The following CNR2 variants were observed in gnomAD, a reference collection of about 807,000 sequenced individuals.
CNR2 encodes cannabinoid receptor 2, also known as cannabinoid receptor 2 (macrophage).
For missense variants in CNR2, 379 were observed against 439.9 expected (o/e 0.86, Z 1.24); for synonymous variants, 172 against 182.2 (o/e 0.94, Z 0.45).
At chr1:23,913,130 T>C in intron 1 of CNR2, 116 bp downstream of exon 1, 1 of 166,580 alleles carries the variant, frequency 6.0e-6, no homozygotes, top group South Asian at 1.5e-4. Flanking sequence ...CACTGTACTT[T>C]AGCCTGGTCA....
chr1:23,879,990 A>T (rs1639951085), intron 1 of CNR2, among the ~76,000 whole-genome samples: 1 of 152,162 alleles, frequency 6.6e-6, no homozygotes, highest in East Asian at 1.9e-4. Context: ...CTTTAGCCAC[A>T]TTGGCTTCTT....
At position 23,910,930 on chromosome 1, in the gene CNR2, G is replaced by A. The variant is rs113534192; in HGVS notation, c.-46+2316C>T. Among the ~76,000 whole-genome samples the A allele has an allele frequency of 4.3e-3, 658 of 152,118 alleles. 8 individuals carry two copies. The highest frequency in any genetic ancestry group is 0.015 in the African/African-American group (614 of 41,502). ...AGGACTCTCTGCTCACACTGGCTCC[G>A]CTATTCCTTGGCTGTGTGACACTGA... On this transcript the variant is annotated intron_variant, in intron 1 of 1. Coordinates refer to ENST00000374472, the MANE Select transcript of CNR2 (RefSeq NM_001841.3).
intron 1 of CNR2, among the ~76,000 whole-genome samples, chr1:23,912,833 C>T (rs1168511983): frequency 6.6e-6 from 1 of 152,210 alleles, no homozygotes; most frequent in Non-Finnish European, 1.5e-5. Flanking sequence ...GACAGGCCCA[C>T]CTGGCTTCTT....
At chr1:23,904,211 C>T (rs1640449864) in intron 1 of CNR2, among the ~76,000 whole-genome samples, 1 of 145,332 alleles carries the variant, frequency 6.9e-6, no homozygotes, top group African/African-American at 2.6e-5. Flanking sequence ...CTCGCTCTGT[C>T]ACCCAGGCTG....
chr1:23,880,288 T>C (rs1363415857), intron 1 of CNR2, among the ~76,000 whole-genome samples: 2 of 150,496 alleles, frequency 1.3e-5, no homozygotes, highest in Non-Finnish European at 2.9e-5. Context: ...AGCCTTTCTC[T>C]TGCCTCAGCC....
At chr1:23,889,862 AT>A (rs1640154912) in intron 1 of CNR2, among the ~76,000 whole-genome samples, 1 of 152,194 alleles carries the variant, frequency 6.6e-6, no homozygotes. Flanking sequence ...TCCATATCAC[AT>A]GATTATACAG....
rs201633175 is a variant in CNR2, at chr1:23,874,620, G to C, written c.998C>G (p.Pro333Arg). ...CTCTGTCTCGGTGACTGAGGATCTC[G>C]GGGCTTCTTCTTTTGCCTCTGACCC... is the stretch of plus-strand genomic sequence containing the variant. ...GLGSEAKEEA[P>R]RSSVTETEAD... Residue 333 changes from proline (P) to arginine (R), a missense_variant, in exon 2 of 2, where the codon CCG becomes CGG. By Grantham distance (103) the Pro-to-Arg change is moderately radical (BLOSUM62 -2). Coordinates refer to ENST00000374472, the MANE Select transcript of CNR2 (RefSeq NM_001841.3). 2 of 1,614,022 alleles carry C rather than the reference G, an allele frequency of 1.2e-6. No individual in the cohort carries two copies. Among genetic ancestry groups the C allele is most frequent in the Non-Finnish European group, 1.7e-6 (2 of 1,179,948 alleles).
chr1:23,878,268 G>A (rs958522738), intron 1 of CNR2, among the ~76,000 whole-genome samples: 1 of 152,106 alleles, frequency 6.6e-6, no homozygotes, highest in Admixed American at 6.5e-5. Context: ...GGAGGCTGAG[G>A]TGGGAGGATC....
rs34781596 is a variant in CNR2, at chr1:23,871,154, C to CAAAAAA, written c.*3375_*3380dup. The CAAAAAA allele has an allele frequency of 3.4e-5, 2 of 58,768 alleles. No homozygotes were observed. Among genetic ancestry groups the CAAAAAA allele is most frequent in the Non-Finnish European group, 6.0e-5 (2 of 33,494 alleles). 3.6% of individuals were successfully genotyped at this position (58,768 alleles called of 1,614,324 possible). A position where few individuals can be genotyped will look rare whatever the true frequency, so the allele number is the denominator to read the frequency against. On this transcript the variant is annotated 3_prime_UTR_variant, in exon 2 of 2. Coordinates refer to ENST00000374472, the MANE Select transcript of CNR2 (RefSeq NM_001841.3). ...TGGGTGACAGAGTGAGATTCTATGT[C>CAAAAAA]AAAAAAAAAAAAAAAAAAAAAAAAA...
intron 1 of CNR2, among the ~76,000 whole-genome samples, chr1:23,905,761 G>A (rs552290578): frequency 6.6e-6 from 1 of 152,108 alleles, no homozygotes; most frequent in African/African-American, 2.4e-5. Flanking sequence ...CCAGACATCT[G>A]GGGAGCTGAT....
chr1:23,886,420 T>G (rs1339395533), intron 1 of CNR2, among the ~76,000 whole-genome samples: 2 of 152,170 alleles, frequency 1.3e-5, no homozygotes, highest in African/African-American at 4.8e-5. Flanking sequence ...CTGGGTTTCC[T>G]GTTGCTCTGT....
At chr1:23,884,187 C>T (rs1317727636) in intron 1 of CNR2, among the ~76,000 whole-genome samples, 3 of 151,300 alleles carry the variant, frequency 2.0e-5, no homozygotes, top group Non-Finnish European at 4.4e-5. Flanking sequence ...TAAAGCGATT[C>T]TTGTGCCTCA....
At chr1:23,911,978 T>C (rs190078887) in intron 1 of CNR2, among the ~76,000 whole-genome samples, 1 of 152,194 alleles carries the variant, frequency 6.6e-6, no homozygotes, top group Admixed American at 6.5e-5. Context: ...CCAGGCCTCA[T>C]TTTATCCTCA....
intron 1 of CNR2, chr1:23,901,964 C>T (rs1206816957): frequency 2.5e-6 from 4 of 1,604,406 alleles, no homozygotes; most frequent in South Asian, 2.2e-5. Flanking sequence ...GAAGTCCAGG[C>T]GGGGCTTGTT....
At chr1:23,905,553 G>A (rs1640473695) in intron 1 of CNR2, among the ~76,000 whole-genome samples, 1 of 151,842 alleles carries the variant, frequency 6.6e-6, no homozygotes, top group Admixed American at 6.6e-5. Context: ...CATGATGGGG[G>A]ACTAGTATCA....
chr1:23,910,741 G>A (rs1353157909), intron 1 of CNR2, among the ~76,000 whole-genome samples: 2 of 151,644 alleles, frequency 1.3e-5, no homozygotes, highest in Admixed American at 6.6e-5. Context: ...GCCCCTTTGA[G>A]GCAGGTTGGG....
At chr1:23,902,095 T>C in intron 1 of CNR2, 2 of 1,499,240 alleles carry the variant, frequency 1.3e-6, no homozygotes, top group Non-Finnish European at 9.3e-7. Context: ...TCGGATCAGA[T>C]AGAGGGCTCG....
chr1:23,880,934 G>T (rs557155002), intron 1 of CNR2, among the ~76,000 whole-genome samples: 24 of 150,238 alleles, frequency 1.6e-4, no homozygotes, highest in Admixed American at 5.3e-4. Context: ...AATATAAAAT[G>T]ATCTGTTGTA....
At chr1:23,900,795 C>G (rs949352639) in intron 1 of CNR2, among the ~76,000 whole-genome samples, 1 of 152,098 alleles carries the variant, frequency 6.6e-6, no homozygotes, top group Admixed American at 6.6e-5. Context: ...CATGTGCCAC[C>G]GTGCCTGGCC....
Sources: allele counts gnomAD v4.1 joint callset (sites outside exome capture counted in the v4.1 genomes callset), GRCh38; gene constraint gnomAD v4.1.1; transcripts MANE v1.5; gene names NCBI Gene and HGNC (gene_info 2026-07-23, HGNC 2026-07-21).